The following CHST11 variants were observed in gnomAD, a reference collection of about 807,000 sequenced individuals.
The protein encoded by CHST11 is carbohydrate sulfotransferase 11.
A neutral mutation model predicts 30.4 loss-of-function variants in CHST11; 9 were observed. The ratio of observed to expected loss-of-function variants is 0.30; its 90% CI spans 0.18 to 0.52. The LOEUF is 0.52. CHST11 is among the 20% of genes least tolerant of loss of function. The pLI is 0.97. For missense variants in CHST11, 348 were observed against 460.6 expected (o/e 0.76, Z 2.24); for synonymous variants, 152 against 187.8 (o/e 0.81, Z 1.56).
At chr12:104,636,852 A>ATT (rs527365933) in intron 2 of CHST11, among the ~76,000 whole-genome samples, 3 of 146,512 alleles carry the variant, frequency 2.0e-5, no homozygotes, top group Non-Finnish European at 3.0e-5. Context: ...TACTACTCCT[A>ATT]TTTTTTTTTT....
chr12:104,691,734 C>G (rs1023834568), intron 2 of CHST11, among the ~76,000 whole-genome samples: 2 of 152,132 alleles, frequency 1.3e-5, no homozygotes, highest in Admixed American at 6.5e-5. Context: ...ATGATCCGCC[C>G]GCCTCAGCCT....
chr12:104,637,761 C>G (rs971023162), intron 2 of CHST11, among the ~76,000 whole-genome samples: 2 of 152,216 alleles, frequency 1.3e-5, no homozygotes, highest in African/African-American at 4.8e-5. Flanking sequence ...GGAACTCTTG[C>G]TCTGACCTTC....
intron 1 of CHST11, among the ~76,000 whole-genome samples, chr12:104,479,269 A>T (rs2037594646): frequency 6.6e-6 from 1 of 151,962 alleles, no homozygotes; most frequent in African/African-American, 2.4e-5. Context: ...CTGTCTCCTC[A>T]TGGTGGCAAG....
intron 1 of CHST11, among the ~76,000 whole-genome samples, chr12:104,547,176 T>C (rs1030626246): frequency 1.3e-5 from 2 of 152,064 alleles, no homozygotes; most frequent in Admixed American, 1.3e-4. Flanking sequence ...CAGGTACAAA[T>C]CGTAAGATCT....
chr12:104,474,362 C>T (rs546011176), intron 1 of CHST11, among the ~76,000 whole-genome samples: 4 of 152,200 alleles, frequency 2.6e-5, no homozygotes, highest in South Asian at 4.2e-4. Context: ...AGCCATCATC[C>T]GAACGACAAT....
At chr12:104,653,334 A>G (rs2039511838) in intron 2 of CHST11, among the ~76,000 whole-genome samples, 1 of 152,186 alleles carries the variant, frequency 6.6e-6, no homozygotes, top group Non-Finnish European at 1.5e-5. Flanking sequence ...CCGTCTTTGT[A>G]AGGTTGAATG....
At chr12:104,566,434 A>G (rs1183232296) in intron 1 of CHST11, among the ~76,000 whole-genome samples, 2 of 152,224 alleles carry the variant, frequency 1.3e-5, no homozygotes, top group African/African-American at 4.8e-5. Context: ...AGACTCACAC[A>G]GGAGTTACTG....
intron 1 of CHST11, among the ~76,000 whole-genome samples, chr12:104,469,733 C>T (rs2037490068): frequency 6.6e-6 from 1 of 152,166 alleles, no homozygotes; most frequent in Non-Finnish European, 1.5e-5. Flanking sequence ...CCCATTTCCT[C>T]CCTTCTTCAC....
chr12:104,611,000 A>G (rs2136053204), intron 2 of CHST11, among the ~76,000 whole-genome samples: 1 of 151,870 alleles, frequency 6.6e-6, no homozygotes, highest in East Asian at 1.9e-4. Context: ...CATGCAAGAA[A>G]CCTCCTCCAG....
chr12:104,575,985 A>G (rs1447176404), intron 1 of CHST11, among the ~76,000 whole-genome samples: 2 of 151,670 alleles, frequency 1.3e-5, no homozygotes. Flanking sequence ...ATTACAAACC[A>G]TGGCCCTCGG....
intron 1 of CHST11, among the ~76,000 whole-genome samples, chr12:104,544,357 A>G (rs1461135227): frequency 6.6e-6 from 1 of 152,078 alleles, no homozygotes; most frequent in East Asian, 1.9e-4. Flanking sequence ...TGTCAAAATT[A>G]AAAAATTGGT....
chr12:104,548,296 G>T (rs6539157), intron 1 of CHST11, among the ~76,000 whole-genome samples: 73,935 of 151,724 alleles, frequency 0.49, 18,283 homozygotes, highest in Middle Eastern at 0.68. Context: ...CTGGTAAACA[G>T]TTAACAATTA....
At position 104,758,207 on chromosome 12, in the gene CHST11, G is replaced by A. The variant is rs541894355; in HGVS notation, c.*404G>A. 33 of 167,484 alleles carry A rather than the reference G, an allele frequency of 2.0e-4. No homozygotes were observed. The highest frequency in any genetic ancestry group is 4.0e-4 in the Non-Finnish European group (31 of 77,784). 10.4% of individuals were successfully genotyped at this position (167,484 alleles called of 1,614,324 possible). ...CTGCTTTGCTTGCTACAGCTCATTT[G>A]GGGGCATGAATGTTCTCCTTACTAA... On this transcript the variant is annotated 3_prime_UTR_variant, in exon 3 of 3. Transcript: ENST00000303694.
intron 2 of CHST11, among the ~76,000 whole-genome samples, chr12:104,716,705 G>A (rs1389910683): frequency 6.6e-6 from 1 of 152,204 alleles, no homozygotes; most frequent in Non-Finnish European, 1.5e-5. Context: ...GGGGAGGCAG[G>A]GGCAGGGTCT....
chr12:104,613,156 C>T (rs2039075624), intron 2 of CHST11, among the ~76,000 whole-genome samples: 1 of 151,362 alleles, frequency 6.6e-6, no homozygotes, highest in Admixed American at 6.6e-5. Flanking sequence ...TGCAGTAAGC[C>T]ATGATCATGC....
intron 1 of CHST11, among the ~76,000 whole-genome samples, chr12:104,499,451 C>T (rs1315640095): frequency 6.6e-6 from 1 of 152,140 alleles, no homozygotes; most frequent in East Asian, 1.9e-4. Flanking sequence ...AAGCCTGGAG[C>T]AGCAACTGGT....
chr12:104,514,244 TG>T (rs1184142123), intron 1 of CHST11: 5 of 867,878 alleles, frequency 5.8e-6, no homozygotes, highest in Middle Eastern at 3.2e-4. Flanking sequence ...TTATTGGTGT[TG>T]GGGCAGCCAC....
intron 1 of CHST11, among the ~76,000 whole-genome samples, chr12:104,506,776 G>A (rs1177614786): frequency 6.6e-6 from 1 of 152,170 alleles, no homozygotes; most frequent in Non-Finnish European, 1.5e-5. Flanking sequence ...CTTTTATTTT[G>A]GCAAGGGCTT....
chr12:104,654,361 G>C (rs771835871), intron 2 of CHST11, among the ~76,000 whole-genome samples: 3 of 152,158 alleles, frequency 2.0e-5, no homozygotes, highest in African/African-American at 4.8e-5. Context: ...GTAGGGCTGA[G>C]AGCGTGAGAA....
Sources: gnomAD v4.1 joint callset for allele counts (sites outside exome capture counted in the v4.1 genomes callset) on GRCh38, gnomAD v4.1.1 for gene constraint, MANE v1.5 for transcripts, NCBI Gene and HGNC (gene_info 2026-07-23, HGNC 2026-07-21) for gene names.